The following TPTE variants were observed in gnomAD, a reference collection of about 807,000 sequenced individuals.
The protein encoded by TPTE is transmembrane phosphatase with tensin homology.
In TPTE, 59 loss-of-function variants were observed where a neutral mutation model predicts 84.1. That is an observed-to-expected ratio of 0.70 (90% CI 0.57 to 0.87). The LOEUF (loss-of-function observed/expected upper bound fraction) is 0.87, where lower values mean the gene tolerates loss of function less well. Among genes scored for constraint, TPTE ranks in the 40% least tolerant of loss-of-function variants. The pLI is 0.00. For missense variants in TPTE, 382 were observed against 659.6 expected (o/e 0.58, Z 4.61); for synonymous variants, 130 against 223.5 (o/e 0.58, Z 3.73).
chr21:10,537,685 A>C (rs1175301522), intron 3 of TPTE, among the ~76,000 whole-genome samples: 5 of 152,272 alleles, frequency 3.3e-5, no homozygotes, highest in Non-Finnish European at 5.9e-5. Flanking sequence ...CTCAAAAAAA[A>C]AAAAAAAGAA....
intron 15 of TPTE, 124 bp from the exon 16 acceptor site, chr21:10,578,213 A>G: frequency 7.1e-7 from 1 of 1,418,344 alleles, no homozygotes; most frequent in Non-Finnish European, 9.6e-7. Context: ...TGGCAGGAGC[A>G]ACTTGGAAAG....
At chr21:10,535,029 T>C (rs1031162970) in intron 3 of TPTE, among the ~76,000 whole-genome samples, 2 of 152,424 alleles carry the variant, frequency 1.3e-5, no homozygotes, top group African/African-American at 4.8e-5. Context: ...GTCAGTAGGG[T>C]TGGCTTTTTA....
chr21:10,597,896 A>C, intron 20 of TPTE, 119 bp from the exon 21 acceptor site: 1 of 1,342,346 alleles, frequency 7.4e-7, no homozygotes, highest in South Asian at 1.4e-5. Context: ...ATAAGTGACT[A>C]TTGATACATT....
chr21:10,585,586 G>GT (rs1174571251), intron 17 of TPTE, among the ~76,000 whole-genome samples: 13 of 152,378 alleles, frequency 8.5e-5, no homozygotes, highest in African/African-American at 3.1e-4. Flanking sequence ...CTTTCTCATA[G>GT]TTTTTTCAAA....
chr21:10,564,298 T>A (rs1600909342), intron 10 of TPTE, among the ~76,000 whole-genome samples: 1 of 152,278 alleles, frequency 6.6e-6, no homozygotes, highest in Non-Finnish European at 1.5e-5. Flanking sequence ...TTACTGGAGG[T>A]CAGGAGTTCG....
chr21:10,555,647 T>C (rs529786998), intron 8 of TPTE, among the ~76,000 whole-genome samples: 3 of 152,430 alleles, frequency 2.0e-5, no homozygotes, highest in African/African-American at 7.2e-5. Flanking sequence ...TTATGATTTC[T>C]GGTACGTTTG....
intron 2 of TPTE, among the ~76,000 whole-genome samples, chr21:10,525,062 G>A (rs1410589851): frequency 6.6e-5 from 10 of 152,302 alleles, no homozygotes; most frequent in Admixed American, 6.5e-4. Context: ...TGGATGCTCT[G>A]TTCAAGGATG....
intron 14 of TPTE, among the ~76,000 whole-genome samples, chr21:10,574,474 C>T (rs1163438864): frequency 6.6e-6 from 1 of 152,304 alleles, no homozygotes; most frequent in East Asian, 1.9e-4. Flanking sequence ...AGAACTAGGG[C>T]TAAAAAAGAA....
chr21:10,575,487 G>A (rs1234284784), intron 14 of TPTE, among the ~76,000 whole-genome samples: 1 of 152,310 alleles, frequency 6.6e-6, no homozygotes, highest in Non-Finnish European at 1.5e-5. Flanking sequence ...CCCCCACAGT[G>A]CAGCACACCT....
intron 19 of TPTE, 152 bp from the exon 20 acceptor site, chr21:10,595,830 A>G (rs1389978961): frequency 2.8e-5 from 29 of 1,049,824 alleles, no homozygotes; most frequent in Non-Finnish European, 3.9e-5. Context: ...GTGGGGCAGC[A>G]TCCCTAAAAA....
intron 7 of TPTE, among the ~76,000 whole-genome samples, chr21:10,545,635 TACAC>T (rs3049867): frequency 8.8e-3 from 1,326 of 150,880 alleles, no homozygotes; most frequent in African/African-American, 0.027. Context: ...AGGATCTATC[TACAC>T]ACACACACAC....
chr21:10,545,981 T>C (rs999451064), intron 7 of TPTE, among the ~76,000 whole-genome samples: 7 of 152,308 alleles, frequency 4.6e-5, no homozygotes, highest in South Asian at 2.1e-4. Flanking sequence ...TATACACATA[T>C]ATAGTTTATA....
intron 3 of TPTE, among the ~76,000 whole-genome samples, 199 bp from the exon 4 acceptor site, chr21:10,538,482 C>T (rs1200542482): frequency 1.3e-5 from 2 of 152,312 alleles, no homozygotes; most frequent in African/African-American, 4.8e-5. Context: ...ACTATTTTCC[C>T]CAGCCTAAGA....
intron 3 of TPTE, among the ~76,000 whole-genome samples, chr21:10,531,619 T>TC: frequency 6.6e-6 from 1 of 152,312 alleles, no homozygotes; most frequent in Non-Finnish European, 1.5e-5. Flanking sequence ...AAATCATCCT[T>TC]CATATCAGTT....
intron 1 of TPTE, among the ~76,000 whole-genome samples, chr21:10,522,124 C>G (rs1265611464): frequency 2.6e-5 from 4 of 152,192 alleles, no homozygotes; most frequent in African/African-American, 7.2e-5. Context: ...GCCCCCGAGG[C>G]GCCCGGCTCT....
At chr21:10,597,785 T>C (rs1366399216) in intron 20 of TPTE, among the ~76,000 whole-genome samples, 3 of 150,820 alleles carry the variant, frequency 2.0e-5, no homozygotes, top group Non-Finnish European at 2.9e-5. Flanking sequence ...CTGAACTATA[T>C]GTATTTTTTT....
chr21:10,534,168 AT>A (rs1263322145), intron 3 of TPTE, among the ~76,000 whole-genome samples: 217 of 152,314 alleles, frequency 1.4e-3, no homozygotes, highest in African/African-American at 4.9e-3. Flanking sequence ...CTCAGGGAAA[AT>A]TTCATTTAAT....
chr21:10,578,908 C>T (rs376792052), intron 17 of TPTE, among the ~76,000 whole-genome samples: 3 of 152,414 alleles, frequency 2.0e-5, no homozygotes, highest in East Asian at 1.9e-4. Flanking sequence ...TTATATCTCT[C>T]AAAATACAAA....
At chr21:10,576,129 C>A (rs1414389384) in intron 14 of TPTE, among the ~76,000 whole-genome samples, 5 of 152,300 alleles carry the variant, frequency 3.3e-5, no homozygotes, top group South Asian at 2.1e-4. Context: ...TGCATGCACA[C>A]ATATGTTCAT....
Sources: allele counts gnomAD v4.1 joint callset (sites outside exome capture counted in the v4.1 genomes callset), GRCh38; gene constraint gnomAD v4.1.1; transcripts MANE v1.5; gene names NCBI Gene and HGNC (gene_info 2026-07-23, HGNC 2026-07-21).